The following ZFP64 variants were observed in gnomAD, a reference collection of about 807,000 sequenced individuals.
ZFP64 encodes the protein ZFP64 zinc finger protein, also known as zinc finger protein 64.
ZFP64 carries 14 observed loss-of-function variants against 51.6 expected under a neutral mutation model. The observed-to-expected ratio is 0.27, with a 90% CI of 0.18 to 0.42. ZFP64 has a LOEUF of 0.42. Ranked by LOEUF, ZFP64 falls within the 10% of genes least tolerant of loss-of-function variation. ZFP64 has a pLI of 1.00. For synonymous variants in ZFP64, 375 were observed against 361.4 expected (o/e 1.04, Z -0.43); for missense variants, 754 against 906.8 (o/e 0.83, Z 2.16).
At chr20:52,187,219 A>C in intron 1 of ZFP64, 148 bp from the exon 2 acceptor site, 1 of 763,640 alleles carries the variant, frequency 1.3e-6, no homozygotes. Flanking sequence ...CTTCCTGCGA[A>C]CTGCATCCTA....
At chr20:52,111,587 T>C (rs377717835) in intron 5 of ZFP64, among the ~76,000 whole-genome samples, 10 of 152,210 alleles carry the variant, frequency 6.6e-5, no homozygotes, top group African/African-American at 2.4e-4. Context: ...TTTTCAAACA[T>C]TGTCGCTTTG....
intron 7 of ZFP64, among the ~76,000 whole-genome samples, chr20:52,090,045 G>T (rs2078906089): frequency 6.6e-6 from 1 of 152,120 alleles, no homozygotes. Flanking sequence ...AAAGGACAAG[G>T]GGGAAAAGAC....
At chr20:52,129,758 A>G (rs1979631504) in intron 5 of ZFP64, among the ~76,000 whole-genome samples, 1 of 152,126 alleles carries the variant, frequency 6.6e-6, no homozygotes, top group Non-Finnish European at 1.5e-5. Flanking sequence ...ATCCCATTAA[A>G]GCACATATGT....
downstream of ZFP64, among the ~76,000 whole-genome samples, chr20:52,146,591 A>T (rs1600751329): frequency 1.1e-5 from 1 of 94,628 alleles, no homozygotes; most frequent in Admixed American, 1.3e-4. Flanking sequence ...GGGTGGGGGG[A>T]GGGGAGAGGG....
chr20:52,104,872 T>G, intron 5 of ZFP64: 5 of 656,196 alleles, frequency 7.6e-6, no homozygotes, highest in East Asian at 3.0e-5. Flanking sequence ...TCCAGCGTGT[T>G]TGGGAGGCAA....
chr20:52,145,075 A>C (rs1041238139), intron 5 of ZFP64, among the ~76,000 whole-genome samples: 1 of 152,206 alleles, frequency 6.6e-6, no homozygotes, highest in African/African-American at 2.4e-5. Flanking sequence ...AGAAGAAAAG[A>C]GCTCCAGCTT....
At position 52,160,130 on chromosome 20, in the gene ZFP64, G is replaced by T. The variant is rs759159636; in HGVS notation, c.756C>A (p.Ser252=). The change falls in exon 5 of 6, where the codon TCC becomes TCA. Residue 252 remains serine, a synonymous_variant. Transcript: ENST00000216923. The surrounding 1 kb of genome is among the most constrained non-coding windows in gnomAD (Gnocchi z 4.2). ...NSSQLTVHLR[S]HTGDAPFQCW... ...ATAACAGGCAGGACTCACCCGTGTGGGATCGCAGGTGGACAGTGAGCTGGC... is the reference window on the plus strand; with the variant it reads ...ATAACAGGCAGGACTCACCCGTGTGTGATCGCAGGTGGACAGTGAGCTGGC... 6.2e-7 allele frequency: 1 copy of T among 1,614,228 alleles called. No individual in the cohort carries two copies. Among genetic ancestry groups the T allele is most frequent in the Non-Finnish European group, 8.5e-7 (1 of 1,180,046 alleles).
intron 4 of ZFP64, among the ~76,000 whole-genome samples, chr20:52,161,182 T>A (rs1209459942): frequency 6.6e-6 from 1 of 152,216 alleles, no homozygotes; most frequent in Non-Finnish European, 1.5e-5. Context: ...AATCCCTATC[T>A]TGTTTGAGCT....
At chr20:52,110,917 T>A in intron 5 of ZFP64, 1 of 1,597,352 alleles carries the variant, frequency 6.3e-7, no homozygotes, top group Non-Finnish European at 8.6e-7. Context: ...ACGCCTGAAC[T>A]CATCCTGCTT....
Position 52,174,515 on chromosome 20 carries a change from A to G in ZFP64, c.287-8490T>C, listed in dbSNP as rs912470066. ...AAAAAAAAAAAAAAAGTATATTTTA[A>G]AAGTATAAAACTAGGATCATGGCTT... On this transcript the variant is annotated intron_variant, in intron 2 of 5. Transcript: ENST00000216923. Among the ~76,000 whole-genome samples, 3 of 151,406 alleles carry G rather than the reference A, an allele frequency of 2.0e-5. No homozygotes were observed. The East Asian group carries it at 5.8e-4, about 29-fold the overall frequency.
chr20:52,116,654 G>A (rs1269218891), intron 5 of ZFP64, among the ~76,000 whole-genome samples: 1 of 152,014 alleles, frequency 6.6e-6, no homozygotes, highest in African/African-American at 2.4e-5. Flanking sequence ...AAATTATGCT[G>A]TTAGGCATAT....
chr20:52,189,373 G>A lies in ZFP64; in HGVS notation c.46+2218C>T, dbSNP rs370817244. ...ATCATGCCACTGAACTTCCAGCCTG[G>A]TGACAGCGAGACTTCATCTCAAAAA... is the stretch of plus-strand genomic sequence containing the variant. On this transcript the variant is annotated intron_variant, in intron 1 of 5. Coordinates refer to ENST00000216923, the MANE Select transcript of ZFP64 (RefSeq NM_018197.3). 5.2e-4 allele frequency among the ~76,000 whole-genome samples: 74 copies of A among 143,472 alleles called. No individual in the cohort carries two copies. In the Middle Eastern group the frequency reaches 0.01, roughly 20 times the overall value. The allele number at this position is 143,472 out of a possible 152,430, so 94.1% of individuals were successfully genotyped here.
intron 5 of ZFP64, chr20:52,111,197 A>ATTTTT: frequency 1.1e-5 from 5 of 466,584 alleles, no homozygotes; most frequent in South Asian, 5.0e-5. Context: ...TCAGCGGTCA[A>ATTTTT]TTTTTTTTTT....
intron 5 of ZFP64, among the ~76,000 whole-genome samples, chr20:52,104,372 C>T (rs1054019870): frequency 6.6e-6 from 1 of 152,174 alleles, no homozygotes; most frequent in African/African-American, 2.4e-5. Context: ...AGGTAGCCGA[C>T]GATCTCCTTG....
chr20:52,139,847 TG>T (rs1343487371), intron 5 of ZFP64, among the ~76,000 whole-genome samples: 4 of 130,736 alleles, frequency 3.1e-5, no homozygotes, highest in African/African-American at 8.0e-5. Context: ...GGCGCTGAGT[TG>T]TTTTTTTTTT....
In ZFP64 at chr20:52,107,777, T is replaced by C. The variant is rs201630247; in HGVS notation, c.764-9190A>G. On this transcript the variant is annotated intron_variant, in intron 5 of 8. Transcript: ENST00000361387. ...CACCTACTCTCCTGTTGATGGGCAA[T>C]TGGGCCTTTGCCAGGTCTCTGCCAT... Among the ~76,000 whole-genome samples, 273 of 152,378 alleles carry C rather than the reference T, an allele frequency of 1.8e-3. 1 individual carries two copies. The highest frequency in any genetic ancestry group is 3.1e-3 in the Non-Finnish European group (212 of 68,048).
chr20:52,105,407 G>C (rs566624237), intron 5 of ZFP64: 7 of 1,224,618 alleles, frequency 5.7e-6, no homozygotes, highest in African/African-American at 4.7e-5. Flanking sequence ...GATTGGCCTG[G>C]AGCCAAGACC....
At position 52,141,844 on chromosome 20, in the gene ZFP64, T is replaced by C. The variant is rs563527523; in HGVS notation, c.763+18279A>G. 2.0e-4 allele frequency among the ~76,000 whole-genome samples: 31 copies of C among 152,328 alleles called. No homozygotes were observed. The South Asian group carries it at 3.7e-3, about 18-fold the overall frequency. On this transcript the variant is annotated intron_variant, in intron 5 of 8. Transcript: ENST00000361387. ...GTGAGTAGAATGATGTCCAACAGCA[T>C]TGGATGCTGCAGAGAAATCTTTCAT...
intron 2 of ZFP64, among the ~76,000 whole-genome samples, chr20:52,171,211 C>T (rs925802412): frequency 2.0e-5 from 3 of 152,150 alleles, no homozygotes; most frequent in African/African-American, 4.8e-5. Context: ...CTGCTGTGAA[C>T]AGCAGGACCT....
Sources: allele counts gnomAD v4.1 joint callset (sites outside exome capture counted in the v4.1 genomes callset), GRCh38; gene constraint gnomAD v4.1.1; non-coding constraint Gnocchi (gnomAD v3.1); transcripts MANE v1.5; gene names NCBI Gene and HGNC (gene_info 2026-07-23, HGNC 2026-07-21).